The following SEMA3E variants were observed in gnomAD, a reference collection of about 807,000 sequenced individuals.
The protein encoded by SEMA3E is semaphorin 3E, also known as semaphorin-3E.
A neutral mutation model predicts 93.6 loss-of-function variants in SEMA3E; 49 were observed. That is an observed-to-expected ratio of 0.52 (90% CI 0.42 to 0.66). SEMA3E has a LOEUF of 0.66. Ranked by LOEUF, SEMA3E falls within the 30% of genes least tolerant of loss-of-function variation. The pLI is 0.00. For synonymous variants in SEMA3E, 363 were observed against 330.7 expected, an observed-to-expected ratio of 1.10 and a Z score of -1.06; for missense variants, 906 against 964.8, an observed-to-expected ratio of 0.94 and a Z score of 0.81.
intron 1 of SEMA3E, among the ~76,000 whole-genome samples, chr7:83,619,904 C>CAGATAGATAGATAGAT (rs1554344946): frequency 0.01 from 1,554 of 148,128 alleles, 10 homozygotes; most frequent in South Asian, 0.012. Flanking sequence ...GATAGATAGA[C>CAGATAGATAGATAGAT]AGATAGATAG....
At chr7:83,476,121 G>A (rs1407348106) in intron 2 of SEMA3E, among the ~76,000 whole-genome samples, 4 of 152,120 alleles carry the variant, frequency 2.6e-5, no homozygotes, top group Non-Finnish European at 4.4e-5. Context: ...GTGCCTATCT[G>A]GCACAGTGTC....
At chr7:83,468,178 A>G (rs762667599) in intron 3 of SEMA3E, among the ~76,000 whole-genome samples, 1 of 152,220 alleles carries the variant, frequency 6.6e-6, no homozygotes, top group African/African-American at 2.4e-5. Flanking sequence ...TGAGGAGTGC[A>G]CTATCGAATT....
intron 1 of SEMA3E, among the ~76,000 whole-genome samples, chr7:83,527,945 AAGTT>A (rs1791196399): frequency 2.6e-5 from 4 of 152,244 alleles, no homozygotes; most frequent in African/African-American, 4.8e-5. Flanking sequence ...GAAAAAGAAT[AAGTT>A]AGTTATAATA....
chr7:83,397,711 T>C (rs1477184804), intron 11 of SEMA3E, among the ~76,000 whole-genome samples: 4 of 152,192 alleles, frequency 2.6e-5, no homozygotes, highest in African/African-American at 9.6e-5. Context: ...AATAATTTAG[T>C]ATAATGCTGG....
chr7:83,553,229 C>T (rs879746079), intron 1 of SEMA3E, among the ~76,000 whole-genome samples: 18 of 152,136 alleles, frequency 1.2e-4, no homozygotes, highest in African/African-American at 2.2e-4. Context: ...AAAGAACCTA[C>T]GTTGAAATAT....
At chr7:83,629,604 G>A (rs571766476) in intron 1 of SEMA3E, among the ~76,000 whole-genome samples, 43 of 152,206 alleles carry the variant, frequency 2.8e-4, no homozygotes, top group Middle Eastern at 3.4e-3. Flanking sequence ...AGGGAAAACC[G>A]CCTACTCAAG....
At chr7:83,646,630 G>A (rs302116) in intron 1 of SEMA3E, among the ~76,000 whole-genome samples, 2,037 of 151,908 alleles carry the variant, frequency 0.013, 44 homozygotes, top group African/African-American at 0.046. Context: ...AGATACTAGC[G>A]GTTTTACTCT....
intron 1 of SEMA3E, among the ~76,000 whole-genome samples, chr7:83,642,191 A>C (rs929479642): frequency 2.0e-5 from 3 of 152,188 alleles, no homozygotes; most frequent in African/African-American, 7.2e-5. Flanking sequence ...GTAGTGAAAC[A>C]CATTTCTAAG....
At chr7:83,502,464 A>G (rs1790614338) in intron 1 of SEMA3E, among the ~76,000 whole-genome samples, 1 of 152,000 alleles carries the variant, frequency 6.6e-6, no homozygotes, top group Admixed American at 6.6e-5. Flanking sequence ...TGGGCTTTAG[A>G]GTTTGGCCTG....
At chr7:83,522,072 C>T (rs1373833632) in intron 1 of SEMA3E, among the ~76,000 whole-genome samples, 3 of 152,072 alleles carry the variant, frequency 2.0e-5, no homozygotes, top group Non-Finnish European at 4.4e-5. Context: ...TAAAGATGTG[C>T]TACTTAGAAG....
At chr7:83,570,813 CA>C (rs145790825) in intron 1 of SEMA3E, among the ~76,000 whole-genome samples, 63,301 of 143,286 alleles carry the variant, frequency 0.44, 14,537 homozygotes, top group African/African-American at 0.62. Flanking sequence ...TTATCAAAGA[CA>C]AAAAAAAAAG....
At position 83,400,099 on chromosome 7, in the gene SEMA3E, T is replaced by C. The variant is rs1048227114; in HGVS notation, c.1295A>G (p.Asn432Ser). The change falls in exon 11 of 17, where the codon AAC becomes AGC. Residue 432 changes from asparagine to serine, a missense_variant. Asn to Ser is a conservative substitution (Grantham distance 46). Coordinates refer to ENST00000643230, the MANE Select transcript of SEMA3E (RefSeq NM_012431.3). ...TCGATCTACTGCTATTTGTTTCAGG[T>C]TATATTTTCCATCTGTTTTTACCAA... The part of the protein sequence containing the change: ...PILVKTDGKY[N>S]LKQIAVDRVE... 31 of 1,613,938 alleles carry C rather than the reference T, an allele frequency of 1.9e-5. No homozygotes were observed. Among genetic ancestry groups the C allele is most frequent in the Non-Finnish European group, 2.5e-5 (29 of 1,179,960 alleles).
chr7:83,601,023 G>T (rs1792984571), intron 1 of SEMA3E, among the ~76,000 whole-genome samples: 1 of 152,194 alleles, frequency 6.6e-6, no homozygotes, highest in African/African-American at 2.4e-5. Context: ...CACAAGAGTT[G>T]TTTTAAGAGA....
intron 1 of SEMA3E, among the ~76,000 whole-genome samples, chr7:83,606,169 C>T (rs1438906235): frequency 6.6e-6 from 1 of 152,160 alleles, no homozygotes; most frequent in Non-Finnish European, 1.5e-5. Flanking sequence ...GTCTGGGATG[C>T]ATTTCAAGCT....
chr7:83,648,225 T>C (rs1794105253), intron 1 of SEMA3E, among the ~76,000 whole-genome samples: 1 of 152,150 alleles, frequency 6.6e-6, no homozygotes, highest in Admixed American at 6.5e-5. Context: ...CATGTGATTT[T>C]GCACTGTTTT....
chr7:83,632,022 G>T (rs1380504907), intron 1 of SEMA3E, among the ~76,000 whole-genome samples: 10 of 152,000 alleles, frequency 6.6e-5, no homozygotes, highest in South Asian at 2.1e-4. Context: ...GGGCATGGTG[G>T]TACGTGCCTG....
intron 1 of SEMA3E, among the ~76,000 whole-genome samples, chr7:83,644,337 T>C (rs1262950806): frequency 2.0e-5 from 3 of 151,954 alleles, no homozygotes; most frequent in Non-Finnish European, 4.4e-5. Flanking sequence ...AAATCATATG[T>C]TTTATGCGAT....
chr7:83,463,442 C>T (rs1195324951), intron 4 of SEMA3E, among the ~76,000 whole-genome samples: 4 of 152,174 alleles, frequency 2.6e-5, no homozygotes, highest in African/African-American at 7.2e-5. Context: ...TTTCTGCTCC[C>T]CGGCTCCTTC....
chr7:83,588,975 G>A (rs1006758774), intron 1 of SEMA3E, among the ~76,000 whole-genome samples: 1 of 152,072 alleles, frequency 6.6e-6, no homozygotes, highest in African/African-American at 2.4e-5. Context: ...TTCCTAAGGA[G>A]GTGATGTTGT....
Sources: allele counts gnomAD v4.1 joint callset (sites outside exome capture counted in the v4.1 genomes callset), GRCh38; gene constraint gnomAD v4.1.1; transcripts MANE v1.5; gene names NCBI Gene and HGNC (gene_info 2026-07-23, HGNC 2026-07-21).